Variants in C2orf42 observed in about 807,000 individuals in gnomAD.
The protein encoded by C2orf42 is uncharacterized protein C2orf42.
C2orf42 carries 44 observed loss-of-function variants against 58.9 expected under a neutral mutation model. The ratio of observed to expected loss-of-function variants is 0.75; its 90% CI spans 0.59 to 0.96. The LOEUF (loss-of-function observed/expected upper bound fraction) is 0.96, where lower values mean the gene tolerates loss of function less well. Ranked by LOEUF, C2orf42 falls within the 40% of genes least tolerant of loss-of-function variation. C2orf42 has a pLI of 0.00. For synonymous variants in C2orf42, 239 were observed against 265.4 expected (o/e 0.90, Z 0.97); for missense variants, 630 against 699.2 (o/e 0.90, Z 1.12).
At chr2:70,165,389 T>C (rs2104886276) in intron 7 of C2orf42, 139 bp downstream of exon 7, 1 of 640,646 alleles carries the variant, frequency 1.6e-6, no homozygotes, top group South Asian at 1.9e-5. Context: ...ATGCTGATCA[T>C]TGAAGGCTTT....
chr2:70,166,048 G>A (rs368645089), intron 6 of C2orf42, among the ~76,000 whole-genome samples: 49 of 151,732 alleles, frequency 3.2e-4, no homozygotes, highest in East Asian at 9.9e-4. Context: ...GCACCACCAC[G>A]CCTGGCTAAT....
rs185662109 is a variant in C2orf42 at position 70,182,011 on chromosome 2, T to C, written c.-12-14A>G. On this transcript the variant is annotated splice_polypyrimidine_tract_variant and intron_variant, in intron 2 of 9. Coordinates refer to ENST00000264434, the MANE Select transcript of C2orf42 (RefSeq NM_017880.3). The stretch of plus-strand genomic sequence containing the variant: ...TTTTCAGAGGCCCTACAAAAGACAA[T>C]ACATCCAACAGTATGAGTATACCTT... 591 of 1,245,434 alleles carry C rather than the reference T, an allele frequency of 4.7e-4. No homozygotes were observed. Among genetic ancestry groups the C allele is most frequent in the Admixed American group, 7.4e-4 (41 of 55,324 alleles). The allele number at this position is 1,245,434 out of a possible 1,614,324, so 77.1% of individuals were successfully genotyped here.
At chr2:70,169,804 G>A in intron 5 of C2orf42, 143 bp from the exon 6 acceptor site, 1 of 556,402 alleles carries the variant, frequency 1.8e-6, no homozygotes, top group Admixed American at 2.9e-5. Context: ...TTGTTGCCCA[G>A]GCTGGAGTGC....
chr2:70,161,386 C>CT (rs1315901995), intron 8 of C2orf42, among the ~76,000 whole-genome samples: 1 of 152,186 alleles, frequency 6.6e-6, no homozygotes, highest in African/African-American at 2.4e-5. Context: ...TAGCTCTATT[C>CT]TCCCACATGC....
intron 9 of C2orf42, 147 bp from the exon 10 acceptor site, chr2:70,150,711 G>A: frequency 6.4e-6 from 4 of 624,366 alleles, no homozygotes; most frequent in Admixed American, 2.8e-5. Context: ...GTGGTGATTG[G>A]GATATCAGAT....
intron 5 of C2orf42, among the ~76,000 whole-genome samples, chr2:70,170,425 T>C (rs1008590727): frequency 6.6e-6 from 1 of 151,860 alleles, no homozygotes; most frequent in Non-Finnish European, 1.5e-5. Flanking sequence ...TGTTTTCTTT[T>C]TAATAGAGAC....
chr2:70,189,406 C>CAAAAAAAAAAAAAAA (rs1182514916), intron 1 of C2orf42, among the ~76,000 whole-genome samples: 2 of 27,140 alleles, frequency 7.4e-5, no homozygotes, highest in African/African-American at 1.9e-4. Flanking sequence ...AACTCCATCT[C>CAAAAAAAAAAAAAAA]AAAAAAAAAA....
intron 8 of C2orf42, among the ~76,000 whole-genome samples, chr2:70,163,300 A>G (rs981677379): frequency 2.3e-4 from 35 of 151,592 alleles, no homozygotes; most frequent in Non-Finnish European, 4.4e-5. Context: ...GCTGGAGTGC[A>G]GTGGTGCGAT....
In C2orf42 at chr2:70,149,989, CTT is replaced by C; in HGVS notation, c.*365_*366del. The stretch of plus-strand genomic sequence containing the variant: ...CATTCTGCCCTAACCAGGGTGTTAA[CTT>C]TCCAACACTGTTGGTGTATGGCTGA... On this transcript the variant is annotated 3_prime_UTR_variant, in exon 10 of 10. Coordinates refer to ENST00000264434, the MANE Select transcript of C2orf42 (RefSeq NM_017880.3). 1 of 270,206 alleles carries C rather than the reference CTT, an allele frequency of 3.7e-6. No individual in the cohort carries two copies. Among genetic ancestry groups the C allele is most frequent in the South Asian group, 4.2e-5 (1 of 23,912 alleles). 16.7% of individuals were successfully genotyped at this position (270,206 alleles called of 1,614,324 possible).
intron 8 of C2orf42, among the ~76,000 whole-genome samples, chr2:70,162,670 G>A (rs926098122): frequency 1.3e-4 from 19 of 151,762 alleles, no homozygotes; most frequent in African/African-American, 4.1e-4. Flanking sequence ...TAGGGGCCTC[G>A]CTGTGTTGCC....
chr2:70,186,055 C>T (rs2103667085), intron 1 of C2orf42, among the ~76,000 whole-genome samples: 1 of 151,186 alleles, frequency 6.6e-6, no homozygotes, highest in African/African-American at 2.4e-5. Flanking sequence ...GGCAAAACTG[C>T]CCCAGTTAAA....
chr2:70,173,627 T>C (rs534413127), intron 5 of C2orf42, among the ~76,000 whole-genome samples: 8 of 151,922 alleles, frequency 5.3e-5, no homozygotes, highest in African/African-American at 1.9e-4. Flanking sequence ...TATATTATTC[T>C]TTTTTTTCTT....
At chr2:70,166,936 C>T (rs1434003157) in intron 6 of C2orf42, among the ~76,000 whole-genome samples, 3 of 152,140 alleles carry the variant, frequency 2.0e-5, no homozygotes, top group African/African-American at 4.8e-5. Context: ...CTCTCTCACC[C>T]GATGGTCAGC....
At chr2:70,176,135 A>G (rs1454577843) in intron 4 of C2orf42, among the ~76,000 whole-genome samples, 1 of 152,226 alleles carries the variant, frequency 6.6e-6, no homozygotes, top group Non-Finnish European at 1.5e-5. Context: ...TGCCAAATTT[A>G]GCAAAAAGAA....
At chr2:70,188,984 G>C (rs1481959267) in intron 1 of C2orf42, among the ~76,000 whole-genome samples, 4 of 152,114 alleles carry the variant, frequency 2.6e-5, no homozygotes, top group African/African-American at 9.7e-5. Context: ...ACTCAATGAA[G>C]AATATTTGTA....
intron 3 of C2orf42, among the ~76,000 whole-genome samples, chr2:70,179,931 G>A (rs1056769522): frequency 2.0e-5 from 3 of 151,050 alleles, no homozygotes; most frequent in African/African-American, 4.9e-5. Context: ...AGAGGCAGAC[G>A]CTGTCTCAAA....
At chr2:70,174,848 T>G (rs1390942200) in intron 5 of C2orf42, among the ~76,000 whole-genome samples, 1 of 152,006 alleles carries the variant, frequency 6.6e-6, no homozygotes. Flanking sequence ...TTTTTTCTAT[T>G]TTTAGTAGAG....
Position 70,150,517 on chromosome 2 carries a change from A to G in C2orf42, c.1564T>C (p.Trp522Arg). The G allele has an allele frequency of 6.2e-7, 1 of 1,613,978 alleles. No individual in the cohort carries two copies. Among genetic ancestry groups the G allele is most frequent in the Non-Finnish European group, 8.5e-7 (1 of 1,179,972 alleles). The change falls in exon 10 of 10, where the codon TGG (tryptophan) becomes CGG (arginine). Residue 522 changes from tryptophan (W) to arginine (R), a missense_variant. By Grantham distance (101) the Trp-to-Arg change is moderately radical (BLOSUM62 -3). Coordinates refer to ENST00000264434, the MANE Select transcript of C2orf42 (RefSeq NM_017880.3). ...QKEPTPFIIE[W>R]IPDILPQSKI... ...GATTGGGGAAGGATATCTGGGATCC[A>G]CTCGATGATGAAAGGTGTTGGCTCC...
At chr2:70,151,410 C>T (rs561896038) in intron 9 of C2orf42, among the ~76,000 whole-genome samples, 1 of 152,072 alleles carries the variant, frequency 6.6e-6, no homozygotes, top group South Asian at 2.1e-4. Context: ...CTGAGGTGGG[C>T]GGATCACTTG....
Sources: allele counts gnomAD v4.1 joint callset (sites outside exome capture counted in the v4.1 genomes callset), GRCh38; gene constraint gnomAD v4.1.1; transcripts MANE v1.5; gene names NCBI Gene and HGNC (gene_info 2026-07-23, HGNC 2026-07-21).